The following SSH2 variants were observed in gnomAD, a reference collection of about 807,000 sequenced individuals.
SSH2 encodes the protein slingshot protein phosphatase 2.
A neutral mutation model predicts 135.2 loss-of-function variants in SSH2; 37 were observed. The observed-to-expected ratio is 0.27, with a 90% CI of 0.21 to 0.36. The LOEUF is 0.36. SSH2 is among the 10% of genes least tolerant of loss of function. The pLI is 1.00. For missense variants in SSH2, 1,408 were observed against 1,765.3 expected (o/e 0.80, Z 3.63); for synonymous variants, 628 against 646.2 (o/e 0.97, Z 0.43).
At chr17:29,639,324 A>ACTAAGTATGGTCCTTGG (rs1245074745) in intron 14 of SSH2, among the ~76,000 whole-genome samples, 1 of 152,166 alleles carries the variant, frequency 6.6e-6, no homozygotes, top group African/African-American at 2.4e-5. Flanking sequence ...GAAACAGGTC[A>ACTAAGTATGGTCCTTGG]CTAAGTATGG....
chr17:29,636,923 A>G, intron 14 of SSH2, 121 bp from the exon 15 acceptor site: 1 of 708,376 alleles, frequency 1.4e-6, no homozygotes. Context: ...TGCTCAATGG[A>G]ACTAGGCAAT....
At chr17:29,634,542 T>C (rs1233025862) in intron 15 of SSH2, among the ~76,000 whole-genome samples, 1 of 124,808 alleles carries the variant, frequency 8.0e-6, no homozygotes, top group African/African-American at 2.9e-5. Context: ...CATTTCCTTT[T>C]GATTATTATT....
intron 9 of SSH2, among the ~76,000 whole-genome samples, chr17:29,668,202 A>C (rs764813604): frequency 6.6e-6 from 1 of 152,214 alleles, no homozygotes; most frequent in Non-Finnish European, 1.5e-5. Context: ...TTGCAAAAAT[A>C]GCTTTGGTAA....
intron 6 of SSH2, among the ~76,000 whole-genome samples, chr17:29,682,329 CTAGAACAGTGCT>C (rs1266638356): frequency 6.6e-6 from 1 of 152,134 alleles, no homozygotes; most frequent in Non-Finnish European, 1.5e-5. Context: ...GAAATATGAG[CTAGAACAGTGCT>C]GTCCAACTGA....
rs775505717 is a variant in SSH2, at chr17:29,636,135, A to G, written c.2095T>C (p.Ser699Pro). Reference sequence around the variant, plus strand: ...CCCAGTTCCTCCATCCTTGAATGGGAAAAAGATCGTGACCGGGTTTCTTGG... The same window carrying G: ...CCCAGTTCCTCCATCCTTGAATGGGGAAAAGATCGTGACCGGGTTTCTTGG... ...LSQETRSRSF[S>P]HSRMEELGGG... is the part of the protein sequence containing the mutation. Residue 699 changes from serine to proline, a missense_variant, in exon 15 of 16, where the codon TCC (serine) becomes CCC (proline). Around this residue, in one of 3 missense-constraint regions of SSH2, gnomAD observed 1,080 missense variants for 1,144.5 expected, o/e 0.94. Transcript: ENST00000540801. 8 of 1,614,068 alleles carry G rather than the reference A, an allele frequency of 5.0e-6. No individual in the cohort carries two copies. In the African/African-American group the frequency reaches 5.3e-5, roughly 11 times the overall value.
chr17:29,728,668 C>A (rs1430553467), intron 3 of SSH2, among the ~76,000 whole-genome samples: 1 of 152,094 alleles, frequency 6.6e-6, no homozygotes, highest in African/African-American at 2.4e-5. Context: ...GCTATAGTAA[C>A]CAAAACAGCA....
chr17:29,880,926 T>C (rs2151431585), intron 1 of SSH2, among the ~76,000 whole-genome samples: 1 of 152,328 alleles, frequency 6.6e-6, no homozygotes, highest in South Asian at 2.1e-4. Flanking sequence ...GGAGTCTTAT[T>C]AATATTAAGC....
intron 2 of SSH2, among the ~76,000 whole-genome samples, chr17:29,838,200 G>A (rs1036949341): frequency 6.6e-6 from 1 of 152,234 alleles, no homozygotes; most frequent in Non-Finnish European, 1.5e-5. Flanking sequence ...CCAGCCACGT[G>A]TATGCATGCT....
At chr17:29,887,533 T>C (rs1297041154) in intron 1 of SSH2, among the ~76,000 whole-genome samples, 3 of 152,220 alleles carry the variant, frequency 2.0e-5, no homozygotes, top group Non-Finnish European at 4.4e-5. Context: ...AATCCTGTCC[T>C]ACCCCTTATC....
At chr17:29,866,381 C>T (rs1055633477) in intron 1 of SSH2, among the ~76,000 whole-genome samples, 2 of 152,162 alleles carry the variant, frequency 1.3e-5, no homozygotes, top group Non-Finnish European at 2.9e-5. Context: ...ACAAGTTATT[C>T]GGTTTACATA....
intron 1 of SSH2, among the ~76,000 whole-genome samples, chr17:29,888,084 A>G (rs1269825669): frequency 6.6e-6 from 1 of 152,128 alleles, no homozygotes; most frequent in East Asian, 1.9e-4. Flanking sequence ...AAAAAAATTT[A>G]AAAGTTAGCC....
chr17:29,820,844 G>A (rs1410568166), intron 2 of SSH2, among the ~76,000 whole-genome samples: 1 of 152,140 alleles, frequency 6.6e-6, no homozygotes, highest in Non-Finnish European at 1.5e-5. Context: ...CATATGCAGT[G>A]CAGATTCGAT....
rs62636084 is a variant in SSH2, at chr17:29,895,330, T to C, written c.63+34608A>G. 5.7e-3 allele frequency among the ~76,000 whole-genome samples: 326 copies of C among 57,614 alleles called. 3 individuals carry two copies. Among genetic ancestry groups the C allele is most frequent in the African/African-American group, 0.01 (132 of 13,030 alleles). The allele number at this position is 57,614 out of a possible 152,430, so 37.8% of individuals were successfully genotyped here. ...AAATATATAAAATATATTTTATATA[T>C]ACATTTTATATATGAAATATATAAA... On this transcript the variant is annotated intron_variant, in intron 1 of 15. Transcript: ENST00000540801.
intron 3 of SSH2, among the ~76,000 whole-genome samples, chr17:29,718,272 T>C (rs1000281557): frequency 2.6e-5 from 4 of 152,208 alleles, no homozygotes; most frequent in Admixed American, 1.3e-4. Context: ...TTAAATAGGA[T>C]GTCTTCCACG....
intron 6 of SSH2, 64 bp from the exon 7 acceptor site, chr17:29,677,805 C>T: frequency 7.7e-7 from 1 of 1,294,192 alleles, no homozygotes; most frequent in Admixed American, 1.7e-5. Context: ...CTTCTGTTTA[C>T]TAACTCTTTC....
At chr17:29,901,474 G>A (rs2066552696) in intron 1 of SSH2, among the ~76,000 whole-genome samples, 1 of 152,068 alleles carries the variant, frequency 6.6e-6, no homozygotes. Context: ...AAAATTCTAA[G>A]TAGTCAAAAA....
intron 2 of SSH2, among the ~76,000 whole-genome samples, chr17:29,820,744 C>A (rs1025372496): frequency 1.3e-5 from 2 of 152,106 alleles, no homozygotes; most frequent in African/African-American, 4.8e-5. Context: ...CCCTGGAGAC[C>A]ACCTCAACCA....
intron 2 of SSH2, among the ~76,000 whole-genome samples, chr17:29,803,399 G>A (rs2042285732): frequency 1.3e-5 from 2 of 152,174 alleles, no homozygotes. Flanking sequence ...AACTGGAAAT[G>A]TAAACTGGAG....
In SSH2 at chr17:29,631,632, CCCAGCTAA is replaced by C; in HGVS notation, c.3554_3561del (p.Val1185GlyfsTer13). On this transcript the variant is annotated frameshift_variant, in exon 16 of 16. Coordinates refer to ENST00000540801, the MANE Select transcript of SSH2 (RefSeq NM_001282129.2). LOFTEE classifies it high-confidence loss of function. ...GAGAGAGGGCTCTCCTGACTTTCTTCCCAGCTAACCTGTTCTGCAGAGGGCTCATCTGT... is the reference window on the plus strand; with the variant it reads ...GAGAGAGGGCTCTCCTGACTTTCTTCCCTGTTCTGCAGAGGGCTCATCTGT... The C allele has an allele frequency of 6.2e-7, 1 of 1,614,168 alleles. No homozygotes were observed. The highest frequency in any genetic ancestry group is 8.5e-7 in the Non-Finnish European group (1 of 1,180,034).
Sources: allele counts gnomAD v4.1 joint callset (sites outside exome capture counted in the v4.1 genomes callset), GRCh38; gene constraint gnomAD v4.1.1; regional missense constraint gnomAD v4.1.1; transcripts MANE v1.5; gene names NCBI Gene and HGNC (gene_info 2026-07-23, HGNC 2026-07-21).